The following MCC variants were observed in gnomAD, a reference collection of about 807,000 sequenced individuals.
The protein encoded by MCC is colorectal mutant cancer protein.
MCC carries 90 observed loss-of-function variants against 116.2 expected under a neutral mutation model. That is an observed-to-expected ratio of 0.77 (90% confidence interval 0.65 to 0.92). The LOEUF (loss-of-function observed/expected upper bound fraction) is 0.92, where lower values mean the gene tolerates loss of function less well. MCC is among the 40% of genes least tolerant of loss of function. The pLI is 0.00. For missense variants in MCC, 1,516 were observed against 1,312.2 expected (o/e 1.16, Z -2.40); for synonymous variants, 578 against 510.5 (o/e 1.13, Z -1.78).
At chr5:113,460,445 AC>A (rs1771712156) in intron 1 of MCC, among the ~76,000 whole-genome samples, 1 of 152,074 alleles carries the variant, frequency 6.6e-6, no homozygotes, top group Admixed American at 6.5e-5. Context: ...CCTCCTCTTT[AC>A]CTTGTCTTTT....
intron 8 of MCC, among the ~76,000 whole-genome samples, chr5:113,095,076 G>C (rs994316706): frequency 6.6e-6 from 1 of 152,188 alleles, no homozygotes; most frequent in Non-Finnish European, 1.5e-5. Context: ...CCTATTTTCT[G>C]CAACAAGCTC....
intron 2 of MCC, among the ~76,000 whole-genome samples, chr5:113,384,388 A>C (rs1769197259): frequency 6.6e-6 from 1 of 152,184 alleles, no homozygotes; most frequent in Admixed American, 6.5e-5. Flanking sequence ...GGAGATCAAG[A>C]CCATCCTGGC....
chr5:113,331,601 G>T (rs1482713166), intron 3 of MCC, among the ~76,000 whole-genome samples: 1 of 146,096 alleles, frequency 6.8e-6, no homozygotes, highest in Non-Finnish European at 1.5e-5. Flanking sequence ...TTTTTTTCAT[G>T]ATCTGCTTTT....
chr5:113,284,220 T>A (rs1466972699), intron 3 of MCC, among the ~76,000 whole-genome samples: 1 of 152,202 alleles, frequency 6.6e-6, no homozygotes, highest in South Asian at 2.1e-4. Context: ...TGTCTTGGCA[T>A]GTGCCTCTAG....
At chr5:113,426,728 C>T (rs985349796) in intron 1 of MCC, among the ~76,000 whole-genome samples, 6 of 152,164 alleles carry the variant, frequency 3.9e-5, no homozygotes, top group East Asian at 1.9e-4. Context: ...CCCCAGAATT[C>T]GTGATGTCTC....
intron 2 of MCC, among the ~76,000 whole-genome samples, chr5:113,357,903 G>A (rs1768452200): frequency 6.6e-6 from 1 of 152,194 alleles, no homozygotes; most frequent in African/African-American, 2.4e-5. Flanking sequence ...CTGCACACTT[G>A]AATCTCTCAA....
chr5:113,406,866 C>G (rs537228297), intron 1 of MCC, among the ~76,000 whole-genome samples: 1 of 152,268 alleles, frequency 6.6e-6, no homozygotes, highest in African/African-American at 2.4e-5. Context: ...GAAGAGATTT[C>G]AAAGGTGGGA....
At chr5:113,253,165 C>T (rs1158611042) in intron 3 of MCC, among the ~76,000 whole-genome samples, 1 of 152,140 alleles carries the variant, frequency 6.6e-6, no homozygotes, top group Non-Finnish European at 1.5e-5. Flanking sequence ...AGAAGTAAAC[C>T]ACAGCAGAGC....
chr5:113,150,350 T>C (rs1299798901), intron 4 of MCC, among the ~76,000 whole-genome samples: 1 of 152,084 alleles, frequency 6.6e-6, no homozygotes, highest in African/African-American at 2.4e-5. Flanking sequence ...TCAAATCCCA[T>C]ACAAAGTTAT....
intron 2 of MCC, among the ~76,000 whole-genome samples, chr5:113,346,123 C>T (rs1009910616): frequency 2.0e-5 from 3 of 152,066 alleles, no homozygotes; most frequent in African/African-American, 7.2e-5. Flanking sequence ...GATCTCTCTC[C>T]CTGTGCTGAG....
intron 3 of MCC, among the ~76,000 whole-genome samples, chr5:113,189,498 A>T (rs981943709): frequency 4.6e-5 from 7 of 152,182 alleles, no homozygotes; most frequent in African/African-American, 1.7e-4. Context: ...CGAGAATTTA[A>T]CTGGATAGGC....
intron 3 of MCC, among the ~76,000 whole-genome samples, chr5:113,185,896 C>T (rs1392409830): frequency 1.3e-5 from 2 of 152,092 alleles, no homozygotes; most frequent in African/African-American, 4.8e-5. Flanking sequence ...GGTCACCCCT[C>T]CTTCAGTAAG....
chr5:113,296,119 T>C (rs1264795800), intron 3 of MCC, among the ~76,000 whole-genome samples: 1 of 152,200 alleles, frequency 6.6e-6, no homozygotes, highest in Non-Finnish European at 1.5e-5. Context: ...TCTAGAGCAC[T>C]GGGTCCCAAG....
intron 3 of MCC, among the ~76,000 whole-genome samples, chr5:113,263,402 C>T (rs553801842): frequency 6.6e-6 from 1 of 152,282 alleles, no homozygotes; most frequent in South Asian, 2.1e-4. Flanking sequence ...AGGATCATAG[C>T]TATGTTACTA....
chr5:113,057,724 G>A (rs565654893), intron 14 of MCC, among the ~76,000 whole-genome samples: 21 of 152,354 alleles, frequency 1.4e-4, no homozygotes, highest in African/African-American at 4.1e-4. Flanking sequence ...GGCATGCCTC[G>A]TACAAAACCC....
chr5:113,314,126 A>G (rs943108121), intron 3 of MCC, among the ~76,000 whole-genome samples: 1 of 151,946 alleles, frequency 6.6e-6, no homozygotes, highest in Non-Finnish European at 1.5e-5. Context: ...GCAGATATCT[A>G]TAATTCTAAA....
At chr5:113,317,090 G>T (rs1028065522) in intron 3 of MCC, among the ~76,000 whole-genome samples, 8 of 152,152 alleles carry the variant, frequency 5.3e-5, no homozygotes, top group Non-Finnish European at 1.2e-4. Flanking sequence ...CTACCGAAAA[G>T]AAATAAAAGG....
chr5:113,364,264 G>GAAAA (rs35759225), intron 2 of MCC, among the ~76,000 whole-genome samples: 13,611 of 101,760 alleles, frequency 0.13, 971 homozygotes, highest in Non-Finnish European at 0.19. Context: ...AAAAAAACCA[G>GAAAA]AAAAAAAAAA....
rs537442037 is a variant in MCC at position 113,193,556 on chromosome 5, C to T, written c.628-42134G>A. On this transcript the variant is annotated intron_variant, in intron 3 of 18. Coordinates refer to ENST00000408903, the MANE Select transcript of MCC (RefSeq NM_001085377.2). ...CTAACGTTAAGCCTAGGAATTCTCT[C>T]CGTATCTTGTCAGGATAGTGTTTGT... Among the ~76,000 whole-genome samples the T allele has an allele frequency of 4.6e-5, 7 of 152,280 alleles. No individual in the cohort carries two copies. In the East Asian group the frequency reaches 1.2e-3, roughly 25 times the overall value.
Sources: allele counts gnomAD v4.1 joint callset (sites outside exome capture counted in the v4.1 genomes callset), GRCh38; gene constraint gnomAD v4.1.1; transcripts MANE v1.5; gene names NCBI Gene and HGNC (gene_info 2026-07-23, HGNC 2026-07-21).